ZNF385C: variants seen among roughly 807,000 people sequenced by gnomAD.
ZNF385C encodes the protein CTD-2132N18.2.
Under a neutral mutation model 35.4 loss-of-function variants are expected in ZNF385C, and 28 were observed. That is an observed-to-expected ratio of 0.79 (90% CI 0.59 to 1.08). ZNF385C has a LOEUF of 1.08. Ranked by LOEUF, ZNF385C falls within the 50% of genes least tolerant of loss-of-function variation. The pLI is 0.00. For missense variants in ZNF385C, 605 were observed against 595.6 expected (o/e 1.02, Z -0.16); for synonymous variants, 248 against 248.2 (o/e 1.00, Z 0.01).
chr17:42,050,040 T>C lies in ZNF385C; in HGVS notation c.251-12155A>G, dbSNP rs1022221058. Among the ~76,000 whole-genome samples the C allele has an allele frequency of 6.6e-6, 1 of 152,156 alleles. No individual in the cohort carries two copies. Among genetic ancestry groups the C allele is most frequent in the Non-Finnish European group, 1.5e-5 (1 of 68,022 alleles). ...CCACCTCAACCTCAAGGAAACAGGCTGAGTGGAGTGAGGTGTAAACAAAAC... is the reference window on the plus strand; with the variant it reads ...CCACCTCAACCTCAAGGAAACAGGCCGAGTGGAGTGAGGTGTAAACAAAAC... On this transcript the variant is annotated intron_variant, in intron 2 of 8. Transcript: ENST00000692273. This position sits in a 1 kb window ranked among gnomAD's most constrained non-coding sequence, Gnocchi z 5.6.
chr17:42,056,914 T>C (rs1555657575), intron 2 of ZNF385C, among the ~76,000 whole-genome samples: 3 of 152,156 alleles, frequency 2.0e-5, no homozygotes, highest in Non-Finnish European at 4.4e-5. Context: ...GTCTCTGGTA[T>C]GTCTTTATCA....
intron 1 of ZNF385C, among the ~76,000 whole-genome samples, chr17:42,085,182 A>G (rs1347695723): frequency 2.0e-5 from 3 of 152,102 alleles, no homozygotes. Flanking sequence ...CTGTAATCCC[A>G]GCACTTTGGG....
rs1277398477 is a variant in ZNF385C, at chr17:42,041,162, C to G, written c.251-3277G>C. 8.9e-6 allele frequency: 11 copies of G among 1,232,334 alleles called. No homozygotes were observed. In the South Asian group the frequency reaches 3.7e-4, roughly 41 times the overall value. 76.3% of individuals were successfully genotyped at this position (1,232,334 alleles called of 1,614,324 possible). A position where few individuals can be genotyped will look rare whatever the true frequency, so the allele number is the denominator to read the frequency against. ...GATGCCTTCAGGCGCTGGCAGGCCT[C>G]TGTGTGCAAGACACTGGCAATGGCC... On this transcript the variant is annotated intron_variant, in intron 2 of 8. Coordinates refer to ENST00000692273, the MANE Select transcript of ZNF385C (RefSeq NM_001392013.1).
At chr17:42,046,655 G>A (rs191112499) in intron 2 of ZNF385C, among the ~76,000 whole-genome samples, 2 of 151,964 alleles carry the variant, frequency 1.3e-5, no homozygotes, top group South Asian at 2.1e-4. Flanking sequence ...AGAGGCCAAG[G>A]CAGGAGGATC....
Position 42,097,713 on chromosome 17 carries a change from C to T in ZNF385C, c.-3+697G>A, listed in dbSNP as rs140615329. Among the ~76,000 whole-genome samples the T allele has an allele frequency of 2.2e-3, 332 of 152,266 alleles. 7 individuals carry two copies. The highest frequency in any genetic ancestry group is 7.6e-3 in the African/African-American group (315 of 41,548). Reference sequence around the variant, plus strand: ...AGGTCCTGGGAGGCAGGACCCCTTTCCTACAGCCCAAATCCCAACACTGAG... The same window carrying T: ...AGGTCCTGGGAGGCAGGACCCCTTTTCTACAGCCCAAATCCCAACACTGAG... On this transcript the variant is annotated intron_variant, in intron 1 of 8. Coordinates refer to ENST00000692273, the MANE Select transcript of ZNF385C (RefSeq NM_001392013.1).
intron 2 of ZNF385C, among the ~76,000 whole-genome samples, chr17:42,055,025 G>A (rs577345841): frequency 6.6e-6 from 1 of 152,138 alleles, no homozygotes; most frequent in African/African-American, 2.4e-5. Flanking sequence ...TGGCTGGGAG[G>A]GGGTGGAGTG....
chr17:42,089,281 A>G (rs1327409702), intron 1 of ZNF385C, among the ~76,000 whole-genome samples: 2 of 151,864 alleles, frequency 1.3e-5, no homozygotes, highest in Non-Finnish European at 1.5e-5. Flanking sequence ...ACACCACCAC[A>G]CTCCAGCCTA....
chr17:42,055,254 G>C (rs781915954), intron 2 of ZNF385C, among the ~76,000 whole-genome samples: 2 of 152,184 alleles, frequency 1.3e-5, no homozygotes. Context: ...GGAGTTGTTT[G>C]TGTGGGGAGA....
At chr17:42,027,165 T>C (rs2052601678) in intron 8 of ZNF385C, 32 bp from the exon 9 acceptor site, 1 of 1,600,850 alleles carries the variant, frequency 6.2e-7, no homozygotes, top group Non-Finnish European at 8.6e-7. Context: ...GGACACAGTC[T>C]CCACCCCAGA....
intron 3 of ZNF385C, among the ~76,000 whole-genome samples, chr17:42,034,684 T>C (rs1555655258): frequency 6.7e-6 from 1 of 148,900 alleles, no homozygotes; most frequent in African/African-American, 2.5e-5. Flanking sequence ...CTCGGGAGGC[T>C]GAGGCAGGAG....
chr17:42,027,606 G>T lies in ZNF385C; in HGVS notation c.1275+12C>A. 1 of 1,532,422 alleles carries T rather than the reference G, an allele frequency of 6.5e-7. No homozygotes were observed. The highest frequency in any genetic ancestry group is 8.8e-7 in the Non-Finnish European group (1 of 1,141,098). The allele number at this position is 1,532,422 out of a possible 1,614,324, so 94.9% of individuals were successfully genotyped here. On this transcript the variant is annotated intron_variant, in intron 8 of 8. Coordinates refer to ENST00000692273, the MANE Select transcript of ZNF385C (RefSeq NM_001392013.1). ...TGACCCAGTCCCAGCTCTGTTGCCT[G>T]GAGACAGATACCTTGAGGATACTCA...
chr17:42,080,479 A>G (rs2053736363), intron 1 of ZNF385C, among the ~76,000 whole-genome samples: 1 of 152,106 alleles, frequency 6.6e-6, no homozygotes, highest in Non-Finnish European at 1.5e-5. Context: ...CCTCCTCAAT[A>G]TGAGAAACTA....
intron 2 of ZNF385C, chr17:42,040,928 G>A: frequency 8.1e-7 from 1 of 1,232,262 alleles, no homozygotes; most frequent in African/African-American, 1.5e-5. Context: ...CTTGAGCTGA[G>A]CCAGGCCAGC....
At chr17:42,048,882 T>C (rs1186600568) in intron 2 of ZNF385C, among the ~76,000 whole-genome samples, 2 of 150,602 alleles carry the variant, frequency 1.3e-5, no homozygotes, top group Admixed American at 6.6e-5. Context: ...TATACCACTT[T>C]AGTGAGCCGA....
chr17:42,058,180 G>A (rs1219811536), intron 2 of ZNF385C, among the ~76,000 whole-genome samples: 2 of 152,146 alleles, frequency 1.3e-5, no homozygotes, highest in Admixed American at 1.3e-4. Flanking sequence ...GAGGCTCAGA[G>A]AGGGGAGAAC....
chr17:42,028,133 G>A lies in ZNF385C; in HGVS notation c.1081C>T (p.Arg361Trp), dbSNP rs782302964. The A allele has an allele frequency of 5.4e-5, 87 of 1,612,456 alleles. No homozygotes were observed. The Admixed American group carries it at 9.5e-4, about 18-fold the overall frequency. The change falls in exon 7 of 9, where the codon CGG becomes TGG. Residue 361 changes from arginine to tryptophan, a missense_variant. By Grantham distance (101) the Arg-to-Trp change is moderately radical. Transcript: ENST00000692273. ...GHKAKRVTGG[R>W]GGRQGPSPAF... is the part of the protein sequence containing the mutation. ...GGGCTGGGCCCCTGCCGGCCGCCCCGGCCCCCTGTGACTCTCTTGGCTTTG... is the reference window on the plus strand; with the variant it reads ...GGGCTGGGCCCCTGCCGGCCGCCCCAGCCCCCTGTGACTCTCTTGGCTTTG...
chr17:42,033,710 G>A (rs1252342072), intron 4 of ZNF385C, among the ~76,000 whole-genome samples: 4 of 152,124 alleles, frequency 2.6e-5, no homozygotes, highest in African/African-American at 4.8e-5. Context: ...CCAAGATTGC[G>A]CCACTGCACT....
At chr17:42,072,250 T>C (rs994166068) in intron 1 of ZNF385C, among the ~76,000 whole-genome samples, 8 of 151,590 alleles carry the variant, frequency 5.3e-5, no homozygotes, top group Non-Finnish European at 8.8e-5. Flanking sequence ...CTCCGGAGAA[T>C]GGTCCTCTCC....
intron 2 of ZNF385C, among the ~76,000 whole-genome samples, chr17:42,055,124 G>A (rs2053352667): frequency 6.6e-6 from 1 of 152,134 alleles, no homozygotes; most frequent in Admixed American, 6.6e-5. Flanking sequence ...TCAGCATCCT[G>A]TCTCCACCAG....
Sources: allele counts gnomAD v4.1 joint callset (sites outside exome capture counted in the v4.1 genomes callset), GRCh38; gene constraint gnomAD v4.1.1; non-coding constraint Gnocchi (gnomAD v3.1); transcripts MANE v1.5; gene names NCBI Gene and HGNC (gene_info 2026-07-23, HGNC 2026-07-21).